Variants in VWC2 observed in about 807,000 individuals in gnomAD.
VWC2 encodes von Willebrand factor C domain containing 2.
In VWC2, 14 loss-of-function variants were observed where a neutral mutation model predicts 29.8. The ratio of observed to expected loss-of-function variants is 0.47; its 90% confidence interval spans 0.31 to 0.74. The LOEUF (loss-of-function observed/expected upper bound fraction) is 0.74, where lower values mean the gene tolerates loss of function less well. Ranked by LOEUF, VWC2 falls within the 30% of genes least tolerant of loss-of-function variation. The pLI is 0.05. For synonymous variants in VWC2, 213 were observed against 199.0 expected, an observed-to-expected ratio of 1.07 and a Z score of -0.59; for missense variants, 457 against 459.8, an observed-to-expected ratio of 0.99 and a Z score of 0.05.
chr7:49,853,532 G>A (rs936074255), intron 3 of VWC2, among the ~76,000 whole-genome samples: 2 of 151,510 alleles, frequency 1.3e-5, no homozygotes. Context: ...CTAAGTTTTT[G>A]GTTTTTTTTT....
intron 3 of VWC2, among the ~76,000 whole-genome samples, chr7:49,806,390 G>A (rs1302661351): frequency 6.6e-6 from 1 of 152,192 alleles, no homozygotes; most frequent in African/African-American, 2.4e-5. Flanking sequence ...GTGGAATATG[G>A]TATCCAAGGG....
intron 3 of VWC2, among the ~76,000 whole-genome samples, chr7:49,893,445 A>C (rs692201): frequency 0.77 from 117,015 of 152,096 alleles, 45,212 homozygotes; most frequent in East Asian, 0.89. Context: ...ACAAAATTTG[A>C]TTTTTTTCGT....
intron 2 of VWC2, among the ~76,000 whole-genome samples, chr7:49,780,604 T>C (rs1454300275): frequency 6.6e-6 from 1 of 152,210 alleles, no homozygotes; most frequent in East Asian, 1.9e-4. Context: ...AATCTTCACA[T>C]TTCTTTGCTT....
At chr7:49,858,720 A>G (rs2128719328) in intron 3 of VWC2, among the ~76,000 whole-genome samples, 1 of 152,244 alleles carries the variant, frequency 6.6e-6, no homozygotes, top group South Asian at 2.1e-4. Context: ...AAAAAAAGAA[A>G]GCTATACATA....
intron 3 of VWC2, among the ~76,000 whole-genome samples, chr7:49,905,281 T>A (rs1793026031): frequency 6.6e-6 from 1 of 152,178 alleles, no homozygotes; most frequent in Non-Finnish European, 1.5e-5. Flanking sequence ...GAGTACATGA[T>A]AGCTATGGAA....
chr7:49,895,463 A>T (rs549974099), intron 3 of VWC2, among the ~76,000 whole-genome samples: 21 of 152,316 alleles, frequency 1.4e-4, no homozygotes, highest in African/African-American at 4.3e-4. Flanking sequence ...CAACAAAAAA[A>T]CCCTTCACAA....
intron 3 of VWC2, among the ~76,000 whole-genome samples, chr7:49,895,205 G>A (rs1168269398): frequency 1.3e-5 from 2 of 152,132 alleles, no homozygotes; most frequent in Non-Finnish European, 2.9e-5. Flanking sequence ...CACACAGTGG[G>A]CAGGGGAGGG....
At chr7:49,814,484 C>A (rs1045584756) in intron 3 of VWC2, among the ~76,000 whole-genome samples, 10 of 152,074 alleles carry the variant, frequency 6.6e-5, no homozygotes, top group Admixed American at 1.3e-4. Context: ...AATTTGAGAA[C>A]AATTTAAAAT....
At chr7:49,808,216 C>A (rs1218477941) in intron 3 of VWC2, among the ~76,000 whole-genome samples, 1 of 151,866 alleles carries the variant, frequency 6.6e-6, no homozygotes, top group Non-Finnish European at 1.5e-5. Flanking sequence ...AGAACAATCA[C>A]TAAGAAAATT....
At chr7:49,801,116 T>C (rs1003776219) in intron 2 of VWC2, among the ~76,000 whole-genome samples, 5 of 152,170 alleles carry the variant, frequency 3.3e-5, no homozygotes, top group Non-Finnish European at 7.4e-5. Context: ...GAAAGAGACA[T>C]GGTTAAACTC....
At chr7:49,774,649 G>C (rs2128700077) in intron 1 of VWC2, among the ~76,000 whole-genome samples, 1 of 152,320 alleles carries the variant, frequency 6.6e-6, no homozygotes, top group South Asian at 2.1e-4. Flanking sequence ...GGCTCGGAGG[G>C]GCGGGCCGGC....
At chr7:49,813,176 T>C (rs1789053172) in intron 3 of VWC2, among the ~76,000 whole-genome samples, 1 of 152,190 alleles carries the variant, frequency 6.6e-6, no homozygotes, top group Non-Finnish European at 1.5e-5. Context: ...TCCCAGAAGA[T>C]GGGGCTGAAA....
chr7:49,791,298 A>G (rs998069734), intron 2 of VWC2, among the ~76,000 whole-genome samples: 3 of 152,234 alleles, frequency 2.0e-5, no homozygotes, highest in Non-Finnish European at 2.9e-5. Flanking sequence ...CAGAACTGTG[A>G]CAATGATTTG....
intron 3 of VWC2, among the ~76,000 whole-genome samples, chr7:49,901,398 T>C (rs1792716178): frequency 6.6e-6 from 1 of 151,832 alleles, no homozygotes; most frequent in South Asian, 2.1e-4. Context: ...ATTCAATCAC[T>C]TTCCTATATA....
At chr7:49,908,274 T>A (rs1354387646) in intron 3 of VWC2, among the ~76,000 whole-genome samples, 1 of 152,192 alleles carries the variant, frequency 6.6e-6, no homozygotes, top group East Asian at 1.9e-4. Context: ...GTCCAACGCC[T>A]ACATTTCATC....
chr7:49,844,096 A>T (rs892709110), intron 3 of VWC2, among the ~76,000 whole-genome samples: 1 of 152,168 alleles, frequency 6.6e-6, no homozygotes, highest in African/African-American at 2.4e-5. Flanking sequence ...GCAGGAGAGG[A>T]TGGCAACAGG....
intron 3 of VWC2, among the ~76,000 whole-genome samples, chr7:49,897,499 A>T (rs1299184698): frequency 1.3e-5 from 2 of 152,214 alleles, no homozygotes; most frequent in Non-Finnish European, 2.9e-5. Context: ...TCAAACACTG[A>T]TCAATAGAGT....
At chr7:49,783,662 A>G (rs779236682) in intron 2 of VWC2, among the ~76,000 whole-genome samples, 9 of 152,162 alleles carry the variant, frequency 5.9e-5, no homozygotes, top group Non-Finnish European at 8.8e-5. Flanking sequence ...CTGCCTTTCA[A>G]ATCTGTGGAA....
chr7:49,842,594 T>C (rs1208192442), intron 3 of VWC2, among the ~76,000 whole-genome samples: 1 of 152,202 alleles, frequency 6.6e-6, no homozygotes, highest in Non-Finnish European at 1.5e-5. Context: ...TATAATCATG[T>C]GTCAGTGAAC....
Sources: gnomAD v4.1 joint callset for allele counts (sites outside exome capture counted in the v4.1 genomes callset) on GRCh38, gnomAD v4.1.1 for gene constraint, MANE v1.5 for transcripts, NCBI Gene and HGNC (gene_info 2026-07-23, HGNC 2026-07-21) for gene names.